PDE9A: variants seen among roughly 807,000 people sequenced by gnomAD.
PDE9A encodes the protein phosphodiesterase 9A.
A neutral mutation model predicts 87.4 loss-of-function variants in PDE9A; 60 were observed. The ratio of observed to expected loss-of-function variants is 0.69; its 90% CI spans 0.56 to 0.85. The LOEUF (loss-of-function observed/expected upper bound fraction) is 0.85, where lower values mean the gene tolerates loss of function less well. Ranked by LOEUF, PDE9A falls within the 40% of genes least tolerant of loss-of-function variation. The pLI, the probability that PDE9A is intolerant of heterozygous loss-of-function variation, is 0.00. For missense variants in PDE9A, 665 were observed against 779.0 expected (o/e 0.85, Z 1.74); for synonymous variants, 272 against 279.4 (o/e 0.97, Z 0.27).
Position 42,760,979 on chromosome 21 carries a change from A to G in PDE9A, c.1085+72A>G, listed in dbSNP as rs537955274. ...CTACTGGAGGGAACCTGTCAGCCCA[A>G]CCCTCAGAGCAGTTCCCAGATGGAG... On this transcript the variant is annotated intron_variant, in intron 13 of 19. Transcript: ENST00000291539. The surrounding 1 kb of genome is among the most constrained non-coding windows in gnomAD (Gnocchi z 5.2). The G allele has an allele frequency of 1.1e-5, 11 of 977,502 alleles. No individual in the cohort carries two copies. Among genetic ancestry groups the G allele is most frequent in the South Asian group, 7.8e-5 (6 of 76,940 alleles). The allele number at this position is 977,502 out of a possible 1,614,324, so 60.6% of individuals were successfully genotyped here. A position where few individuals can be genotyped will look rare whatever the true frequency, so the allele number is the denominator to read the frequency against.
chr21:42,730,978 A>G (rs1482682552), intron 4 of PDE9A, among the ~76,000 whole-genome samples: 1 of 151,982 alleles, frequency 6.6e-6, no homozygotes, highest in East Asian at 1.9e-4. Context: ...TTCTTTTGAG[A>G]TGGAGTTTCG....
chr21:42,703,206 T>A (rs1172771419), intron 4 of PDE9A, among the ~76,000 whole-genome samples: 1 of 152,222 alleles, frequency 6.6e-6, no homozygotes, highest in Non-Finnish European at 1.5e-5. Context: ...GCGGGTGGGC[T>A]TGGTCTGCTC....
rs147409780 is a variant in PDE9A at position 42,658,554 on chromosome 21, A to G, written c.69+4671A>G. Among the ~76,000 whole-genome samples the G allele has an allele frequency of 1.6e-3, 248 of 152,306 alleles. 3 individuals carry two copies. The East Asian group carries it at 0.039, about 24-fold the overall frequency. On this transcript the variant is annotated intron_variant, in intron 1 of 19. Transcript: ENST00000291539. ...AAATGCAAACCTCCTTTCATTTTAG[A>G]AGGCATGGGCTGCTCAGCCCACACG...
rs889838821 is a variant in PDE9A at position 42,721,887 on chromosome 21, G to C, written c.263-9883G>C. The stretch of plus-strand genomic sequence containing the variant: ...GTCTAGAGTGCTTATCTCTTTGGGG[G>C]CAAGTAATGTGAATTATTTTCCCTA... On this transcript the variant is annotated intron_variant, in intron 4 of 19. Coordinates refer to ENST00000291539, the MANE Select transcript of PDE9A (RefSeq NM_002606.3). 8.5e-5 allele frequency among the ~76,000 whole-genome samples: 13 copies of C among 152,168 alleles called. No homozygotes were observed. In the Middle Eastern group the frequency reaches 0.01, roughly 120 times the overall value.
At chr21:42,758,210 A>G (rs2055282002) in intron 10 of PDE9A, 1 of 152,258 alleles carries the variant, frequency 6.6e-6, no homozygotes, top group African/African-American at 2.4e-5. Context: ...TTTAAAAATC[A>G]CTTCATCTTT....
intron 3 of PDE9A, among the ~76,000 whole-genome samples, chr21:42,698,242 T>C (rs1421630029): frequency 1.3e-5 from 2 of 152,204 alleles, no homozygotes; most frequent in African/African-American, 4.8e-5. Context: ...TTGTAGCACC[T>C]CTCTTACCAG....
intron 10 of PDE9A, among the ~76,000 whole-genome samples, chr21:42,756,481 C>G (rs2055057253): frequency 6.6e-6 from 1 of 152,254 alleles, no homozygotes; most frequent in Non-Finnish European, 1.5e-5. Context: ...GGCCCAGTGT[C>G]CTGCCCATCA....
At chr21:42,717,437 C>T (rs1440132892) in intron 4 of PDE9A, among the ~76,000 whole-genome samples, 6 of 149,900 alleles carry the variant, frequency 4.0e-5, no homozygotes, top group South Asian at 2.2e-4. Context: ...ATTACAGGCG[C>T]CCACCACCAT....
chr21:42,712,094 GA>G (rs60171573), intron 4 of PDE9A, among the ~76,000 whole-genome samples: 16,526 of 151,586 alleles, frequency 0.11, 1,163 homozygotes, highest in East Asian at 0.35. Context: ...CTATGACTTT[GA>G]TTACTATTTT....
rs767288673 is a variant in PDE9A, at chr21:42,768,172, A to G, written c.1357-16A>G. 2.6e-6 allele frequency: 4 copies of G among 1,538,654 alleles called. No homozygotes were observed. The South Asian group carries it at 3.3e-5, about 13-fold the overall frequency. On this transcript the variant is annotated splice_polypyrimidine_tract_variant and intron_variant, in intron 15 of 19. Coordinates refer to ENST00000291539, the MANE Select transcript of PDE9A (RefSeq NM_002606.3). ...TCTACCTCCTGTTACCTCAATTCCAAAATCTCTTCTTTCAGCTGAAGATGA... is the reference window on the plus strand; with the variant it reads ...TCTACCTCCTGTTACCTCAATTCCAGAATCTCTTCTTTCAGCTGAAGATGA...
rs1460410706 is a variant in PDE9A at position 42,722,357 on chromosome 21, GCT to G, written c.263-9410_263-9409del. Among the ~76,000 whole-genome samples, 1 of 152,210 alleles carries G rather than the reference GCT, an allele frequency of 6.6e-6. No individual in the cohort carries two copies. The highest frequency in any genetic ancestry group is 1.5e-5 in the Non-Finnish European group (1 of 68,028). On this transcript the variant is annotated intron_variant, in intron 4 of 19. Transcript: ENST00000291539. The surrounding 1 kb of genome is among the most constrained non-coding windows in gnomAD (Gnocchi z 4.1). ...AGGGTGCTCAGCACCTCGCCCTGTT[GCT>G]CTGGGTTGGGACTAACAAGGTGAAA...
intron 1 of PDE9A, among the ~76,000 whole-genome samples, chr21:42,664,147 G>C (rs549588373): frequency 6.6e-6 from 1 of 152,360 alleles, no homozygotes; most frequent in African/African-American, 2.4e-5. Flanking sequence ...AGAGAAAGCT[G>C]GGGGTTTAGT....
rs971748133 is a variant in PDE9A, at chr21:42,739,108, C to CCAGCCCCCTAG, written c.569-4664_569-4654dup. On this transcript the variant is annotated intron_variant, in intron 7 of 19. Coordinates refer to ENST00000291539, the MANE Select transcript of PDE9A (RefSeq NM_002606.3). This position sits in a 1 kb window ranked among gnomAD's most constrained non-coding sequence, Gnocchi z 4.1. ...TAACAGGCAGCCGTGGGCTGGGCTC[C>CCAGCCCCCTAG]CAGCCCCCTAGCAGGGTCCAGTGGG... Among the ~76,000 whole-genome samples the CCAGCCCCCTAG allele has an allele frequency of 3.9e-5, 6 of 152,250 alleles. No individual in the cohort carries two copies. Among genetic ancestry groups the CCAGCCCCCTAG allele is most frequent in the Non-Finnish European group, 8.8e-5 (6 of 68,032 alleles).
chr21:42,762,675 TC>T (rs1235490260), intron 14 of PDE9A, among the ~76,000 whole-genome samples: 1 of 152,064 alleles, frequency 6.6e-6, no homozygotes, highest in Non-Finnish European at 1.5e-5. Context: ...CACAGCCCAG[TC>T]AGCCCCCTTC....
chr21:42,689,496 C>A (rs1004257269), intron 3 of PDE9A: 66 of 978,616 alleles, frequency 6.7e-5, no homozygotes, highest in Non-Finnish European at 7.6e-5. Context: ...CCTCCTGACA[C>A]CCACAAGACT....
At chr21:42,763,529 C>T (rs996653507) in intron 14 of PDE9A, among the ~76,000 whole-genome samples, 3 of 152,194 alleles carry the variant, frequency 2.0e-5, no homozygotes, top group African/African-American at 7.2e-5. Context: ...CCCCTGGAGT[C>T]TTCTTTGAGA....
chr21:42,733,376 T>C lies in PDE9A; in HGVS notation c.518T>C (p.Leu173Pro). The change falls in exon 7 of 20, where the codon CTG becomes CCG. Residue 173 changes from leucine (L) to proline (P), a missense_variant. By Grantham distance (98) the Leu-to-Pro change is moderately conservative. Coordinates refer to ENST00000291539, the MANE Select transcript of PDE9A (RefSeq NM_002606.3). ...CCTAGAGCATTCAAAATCAATGAAC[T>C]GAAAGCTGAAGTTGCAAATCACTTG... is the stretch of plus-strand genomic sequence containing the variant. ...QFSRAFKINELKAEVANHLAV... is the reference protein window; with the variant it reads ...QFSRAFKINEPKAEVANHLAV... The C allele has an allele frequency of 6.3e-7, 1 of 1,597,232 alleles. No individual in the cohort carries two copies. Among genetic ancestry groups the C allele is most frequent in the Non-Finnish European group, 8.6e-7 (1 of 1,164,480 alleles).
In PDE9A at chr21:42,694,841, C is replaced by T. The variant is rs1474411974; in HGVS notation, c.219-4127C>T. The stretch of plus-strand genomic sequence containing the variant: ...GGCTACAGGACACTCTCCAGCCCCC[C>T]GCATTGGGATGTCTGGCCCCAATCC... On this transcript the variant is annotated intron_variant, in intron 3 of 19. Transcript: ENST00000291539. The surrounding 1 kb of genome is among the most constrained non-coding windows in gnomAD (Gnocchi z 5.3). Among the ~76,000 whole-genome samples the T allele has an allele frequency of 2.6e-5, 4 of 152,334 alleles. No individual in the cohort carries two copies. Among genetic ancestry groups the T allele is most frequent in the African/African-American group, 7.2e-5 (3 of 41,578 alleles).
intron 3 of PDE9A, 64 bp downstream of exon 3, chr21:42,688,058 T>A: frequency 7.6e-7 from 1 of 1,308,596 alleles, no homozygotes; most frequent in Non-Finnish European, 1.1e-6. Context: ...CATGGGAGGC[T>A]TTCTGTGATT....
Sources: gnomAD v4.1 joint callset for allele counts (sites outside exome capture counted in the v4.1 genomes callset) on GRCh38, gnomAD v4.1.1 for gene constraint, Gnocchi (gnomAD v3.1) non-coding constraint, MANE v1.5 for transcripts, NCBI Gene and HGNC (gene_info 2026-07-23, HGNC 2026-07-21) for gene names.